The following SLC6A4 variants were observed in gnomAD, a reference collection of about 807,000 sequenced individuals.
SLC6A4 encodes the protein sodium-dependent serotonin transporter.
A neutral mutation model predicts 73.4 loss-of-function variants in SLC6A4; 22 were observed. The observed-to-expected ratio is 0.30, with a 90% confidence interval of 0.21 to 0.43. SLC6A4 has a LOEUF of 0.43. Ranked by LOEUF, SLC6A4 falls within the 20% of genes least tolerant of loss-of-function variation. SLC6A4 has a pLI of 1.00. For missense variants in SLC6A4, 593 were observed against 808.5 expected (o/e 0.73, Z 3.23); for synonymous variants, 270 against 315.5 (o/e 0.86, Z 1.53).
In SLC6A4 at chr17:30,221,773, A is replaced by T. The variant is rs1270642369; in HGVS notation, c.186T>A (p.Ser62=). The T allele has an allele frequency of 6.2e-7, 1 of 1,614,062 alleles. No individual in the cohort carries two copies. The highest frequency in any genetic ancestry group is 8.5e-7 in the Non-Finnish European group (1 of 1,180,038). Residue 62 remains serine (S), a synonymous_variant, in exon 3 of 15, where the codon TCT becomes TCA. Coordinates refer to ENST00000650711, the MANE Select transcript of SLC6A4 (RefSeq NM_001045.6). ...SPGAGDDTRH[S]IPATTTTLVA... ...CTAGGGTGGTGGTGGTCGCTGGGAT[A>T]GAGTGCCGTGTGTCATCTCCCGCAC...
intron 11 of SLC6A4, among the ~76,000 whole-genome samples, chr17:30,209,640 G>T (rs1346242266): frequency 1.4e-5 from 2 of 142,472 alleles, no homozygotes; most frequent in African/African-American, 5.2e-5. Context: ...GCAAGACTCT[G>T]TCCAAAAAAA....
At position 30,207,696 on chromosome 17, in the gene SLC6A4, G is replaced by A. The variant is rs200889733; in HGVS notation, c.1650+36C>T. 3.6e-5 allele frequency: 51 copies of A among 1,399,212 alleles called. 1 individual carries two copies. Among genetic ancestry groups the A allele is most frequent in the Admixed American group, 2.0e-4 (12 of 59,636 alleles). The allele number at this position is 1,399,212 out of a possible 1,614,324, so 86.7% of individuals were successfully genotyped here. A position where few individuals can be genotyped will look rare whatever the true frequency, so the allele number is the denominator to read the frequency against. On this transcript the variant is annotated intron_variant, in intron 13 of 14. Transcript: ENST00000650711. ...TTTATGTGTCTGGGGGAAGTCTTTC[G>A]CCAGGGCAAGGAGGAGAAGGGAAAT...
chr17:30,222,779 T>C (rs754078012), intron 2 of SLC6A4, 40 bp downstream of exon 2: 1 of 1,303,634 alleles, frequency 7.7e-7, no homozygotes, highest in Non-Finnish European at 1.0e-6. Context: ...CATTATGCAT[T>C]TGCAAGCCCG....
intron 14 of SLC6A4, 100 bp downstream of exon 14, chr17:30,203,072 T>A (rs1442611805): frequency 4.0e-6 from 4 of 991,146 alleles, no homozygotes; most frequent in Non-Finnish European, 6.1e-6. Flanking sequence ...GCATGCCTCC[T>A]GGTGAATCTC....
chr17:30,198,418 G>C lies in SLC6A4; in HGVS notation c.*38C>G. 1 of 1,195,566 alleles carries C rather than the reference G, an allele frequency of 8.4e-7. No individual in the cohort carries two copies. The highest frequency in any genetic ancestry group is 1.2e-6 in the Non-Finnish European group (1 of 811,826). 74.1% of individuals were successfully genotyped at this position (1,195,566 alleles called of 1,614,324 possible). Reference sequence around the variant, plus strand: ...GCGTGCCTCATCAGAACTGGAGGAGGAGGTTGTGGAGAAGCCTTTTTCCTC... The same window carrying C: ...GCGTGCCTCATCAGAACTGGAGGAGCAGGTTGTGGAGAAGCCTTTTTCCTC... On this transcript the variant is annotated 3_prime_UTR_variant, in exon 15 of 15. Transcript: ENST00000650711.
chr17:30,212,956 A>G, intron 8 of SLC6A4, 89 bp from the exon 9 acceptor site: 2 of 1,416,498 alleles, frequency 1.4e-6, no homozygotes, highest in Non-Finnish European at 2.0e-6. Flanking sequence ...CCTGCCTTAG[A>G]CAGGGCGGCC....
At chr17:30,226,877 A>AAAAAAAAAG (rs965167639) in intron 1 of SLC6A4, among the ~76,000 whole-genome samples, 2 of 119,936 alleles carry the variant, frequency 1.7e-5, no homozygotes, top group African/African-American at 6.7e-5. Flanking sequence ...TGTCTCAAAA[A>AAAAAAAAAG]AAAAAGAAAA....
chr17:30,198,715 T>A (rs1241208166), intron 14 of SLC6A4, among the ~76,000 whole-genome samples, 185 bp from the exon 15 acceptor site: 1 of 152,172 alleles, frequency 6.6e-6, no homozygotes, highest in Non-Finnish European at 1.5e-5. Flanking sequence ...CAAATATGAA[T>A]TAAAATGGTA....
chr17:30,234,652 A>T (rs1192161841), intron 1 of SLC6A4, among the ~76,000 whole-genome samples: 1 of 152,234 alleles, frequency 6.6e-6, no homozygotes, highest in Non-Finnish European at 1.5e-5. Flanking sequence ...TTTCCTATGT[A>T]ACTGAAGGCA....
At chr17:30,203,935 C>T (rs1369225123) in intron 13 of SLC6A4, among the ~76,000 whole-genome samples, 3 of 152,220 alleles carry the variant, frequency 2.0e-5, no homozygotes, top group Non-Finnish European at 2.9e-5. Flanking sequence ...AGCTCTCTGC[C>T]TTCTGCATTA....
Position 30,215,696 on chromosome 17 carries a change from C to T in SLC6A4, c.991G>A (p.Ala331Thr), listed in dbSNP as rs201425535. Residue 331 changes from alanine (A) to threonine (T), a missense_variant, in exon 8 of 15, where the codon GCT (alanine) becomes ACT (threonine). Physicochemically the swap from Ala to Thr is moderately conservative, Grantham distance 58. Coordinates refer to ENST00000650711, the MANE Select transcript of SLC6A4 (RefSeq NM_001045.6). ...GGACCAAGAGAGAAGAAGATCTGAG[C>T]GGCTGCATCTATCCACACCTGGAAC... ...LETGVWIDAA[A>T]QIFFSLGPGF... 1.4e-5 allele frequency: 23 copies of T among 1,613,878 alleles called. No homozygotes were observed. Among genetic ancestry groups the T allele is most frequent in the South Asian group, 7.7e-5 (7 of 91,086 alleles).
At chr17:30,198,771 C>T (rs1905941442) in intron 14 of SLC6A4, among the ~76,000 whole-genome samples, 1 of 152,122 alleles carries the variant, frequency 6.6e-6, no homozygotes, top group African/African-American at 2.4e-5. Flanking sequence ...ATCATTATAA[C>T]ACTAATGGAA....
chr17:30,201,996 G>A (rs934906475), intron 14 of SLC6A4, among the ~76,000 whole-genome samples: 2 of 152,020 alleles, frequency 1.3e-5, no homozygotes, highest in African/African-American at 4.8e-5. Context: ...GGAGGCTGAG[G>A]TGAAAGGATC....
rs55908624 is a variant in SLC6A4, at chr17:30,212,795, G to A, written c.1149C>T (p.Leu383=). ...CATTCCTCATCTCAGCCATGTAACCGAGCACTGTGAAGATGACAAATCCCG... is the reference window on the plus strand; with the variant it reads ...CATTCCTCATCTCAGCCATGTAACCAAGCACTGTGAAGATGACAAATCCCG... ...FVSGFVIFTV[L]GYMAEMRNED... is the part of the protein sequence containing the mutation. The change falls in exon 9 of 15, where the codon CTC becomes CTT. Residue 383 remains leucine (L), a synonymous_variant. Transcript: ENST00000650711. The A allele has an allele frequency of 1.2e-3, 1,941 of 1,614,084 alleles. 45 individuals are homozygous for A. The Admixed American group carries it at 0.03, about 25-fold the overall frequency.
At chr17:30,216,592 G>A (rs967683725) in intron 6 of SLC6A4, among the ~76,000 whole-genome samples, 3 of 151,656 alleles carry the variant, frequency 2.0e-5, no homozygotes, top group South Asian at 4.2e-4. Context: ...TACTACCAGT[G>A]GGTTGAAGGA....
At chr17:30,208,754 C>T (rs953131577) in intron 12 of SLC6A4, among the ~76,000 whole-genome samples, 7 of 152,168 alleles carry the variant, frequency 4.6e-5, no homozygotes, top group African/African-American at 1.4e-4. Flanking sequence ...TGCAGTGGCG[C>T]GATCTTGGCT....
intron 1 of SLC6A4, among the ~76,000 whole-genome samples, chr17:30,233,023 T>C (rs56222215): frequency 0.012 from 1,755 of 152,278 alleles, 33 homozygotes; most frequent in African/African-American, 0.041. Flanking sequence ...GTTTCATCTG[T>C]TTTCCCCTGG....
In SLC6A4 at chr17:30,222,919, G is replaced by T; in HGVS notation, c.-220-4C>A. ...GGTCGCCTTGCCTCCAGGAGACCTA[G>T]GGAGAAGAGTGTGCAGGTTACTGAT... On this transcript the variant is annotated splice_region_variant and splice_polypyrimidine_tract_variant and intron_variant, in intron 1 of 14. Transcript: ENST00000650711. 1 of 1,040,578 alleles carries T rather than the reference G, an allele frequency of 9.6e-7. No homozygotes were observed. The highest frequency in any genetic ancestry group is 1.3e-6 in the Non-Finnish European group (1 of 750,562). The allele number at this position is 1,040,578 out of a possible 1,614,324, so 64.5% of individuals were successfully genotyped here.
intron 7 of SLC6A4, 115 bp from the exon 8 acceptor site, chr17:30,215,829 G>T: frequency 1.1e-6 from 1 of 884,614 alleles, no homozygotes; most frequent in Non-Finnish European, 1.8e-6. Context: ...CAGAAAAACA[G>T]CTTTTAAGGC....
Sources: gnomAD v4.1 joint callset for allele counts (sites outside exome capture counted in the v4.1 genomes callset) on GRCh38, gnomAD v4.1.1 for gene constraint, MANE v1.5 for transcripts, NCBI Gene and HGNC (gene_info 2026-07-23, HGNC 2026-07-21) for gene names.